NCALD: variants seen among roughly 807,000 people sequenced by gnomAD.
NCALD encodes neurocalcin delta.
NCALD carries 10 observed loss-of-function variants against 18.6 expected under a neutral mutation model. The observed-to-expected ratio is 0.54, with a 90% CI of 0.33 to 0.91. The LOEUF is 0.91. Among genes scored for constraint, NCALD ranks in the 40% least tolerant of loss-of-function variants. NCALD has a pLI of 0.03. For missense variants in NCALD, 184 were observed against 247.6 expected (o/e 0.74, Z 1.72); for synonymous variants, 88 against 87.4 (o/e 1.01, Z -0.04).
chr8:101,827,297 T>C (rs770912498), intron 4 of NCALD, among the ~76,000 whole-genome samples: 1 of 152,208 alleles, frequency 6.6e-6, no homozygotes, highest in Non-Finnish European at 1.5e-5. Context: ...CCCACCCACA[T>C]AATCCAGGAT....
At chr8:101,981,412 G>A (rs957801570) in intron 2 of NCALD, among the ~76,000 whole-genome samples, 2 of 151,950 alleles carry the variant, frequency 1.3e-5, no homozygotes, top group African/African-American at 4.8e-5. Context: ...TTAGAGAAGG[G>A]GAAAAAAGAT....
chr8:102,047,476 G>C (rs1279539280), intron 1 of NCALD, among the ~76,000 whole-genome samples: 1 of 152,180 alleles, frequency 6.6e-6, no homozygotes, highest in East Asian at 1.9e-4. Flanking sequence ...AGCCATGTGT[G>C]GTATTGAGCC....
intron 1 of NCALD, among the ~76,000 whole-genome samples, chr8:101,762,172 C>T (rs1811140098): frequency 6.6e-6 from 1 of 152,126 alleles, no homozygotes; most frequent in South Asian, 2.1e-4. Flanking sequence ...CCTAAATAGA[C>T]CAGGAGCTTC....
intron 1 of NCALD, among the ~76,000 whole-genome samples, chr8:101,758,293 C>CA (rs975982191): frequency 1.5e-4 from 23 of 152,286 alleles, no homozygotes; most frequent in African/African-American, 5.5e-4. Context: ...CCCTTCTTAG[C>CA]AGGCCCCAGC....
intron 1 of NCALD, among the ~76,000 whole-genome samples, chr8:101,739,628 C>G (rs1037344440): frequency 6.7e-6 from 1 of 149,072 alleles, no homozygotes; most frequent in Non-Finnish European, 1.5e-5. Flanking sequence ...CATCTTTCTC[C>G]CCTGCTGGAT....
chr8:102,030,875 C>CAAAA (rs1371223103), intron 1 of NCALD, among the ~76,000 whole-genome samples: 1 of 129,408 alleles, frequency 7.7e-6, no homozygotes, highest in African/African-American at 3.0e-5. Context: ...GACTCCATCA[C>CAAAA]AAAAAATAAA....
intron 1 of NCALD, among the ~76,000 whole-genome samples, chr8:102,111,412 A>ATGTGTGTGTGTGTG (rs57126471): frequency 2.8e-4 from 41 of 147,740 alleles, no homozygotes; most frequent in East Asian, 1.2e-3. Flanking sequence ...GTCTAAAGAG[A>ATGTGTGTGTGTGTG]TGTGTGTGTG....
intron 1 of NCALD, among the ~76,000 whole-genome samples, chr8:102,058,070 A>T (rs970085484): frequency 5.3e-5 from 8 of 152,294 alleles, no homozygotes; most frequent in African/African-American, 1.9e-4. Context: ...ATGTTAGGAG[A>T]CTTAAAACAG....
chr8:101,766,504 T>C (rs1389047299), intron 1 of NCALD, among the ~76,000 whole-genome samples: 1 of 152,196 alleles, frequency 6.6e-6, no homozygotes, highest in African/African-American at 2.4e-5. Context: ...AAGTTGTGTG[T>C]GAAATTTTGT....
intron 4 of NCALD, among the ~76,000 whole-genome samples, chr8:101,801,324 T>C (rs896535489): frequency 2.0e-5 from 3 of 152,170 alleles, no homozygotes; most frequent in Non-Finnish European, 2.9e-5. Flanking sequence ...GAAATATAGA[T>C]TTAAATTACA....
At chr8:101,742,369 T>A (rs1360028881) in intron 1 of NCALD, among the ~76,000 whole-genome samples, 1 of 152,234 alleles carries the variant, frequency 6.6e-6, no homozygotes, top group Admixed American at 6.5e-5. Flanking sequence ...TCTCTTTCCA[T>A]TCATCATGAA....
At chr8:101,721,646 C>T (rs1488982353) in intron 1 of NCALD, among the ~76,000 whole-genome samples, 1 of 152,118 alleles carries the variant, frequency 6.6e-6, no homozygotes, top group African/African-American at 2.4e-5. Flanking sequence ...GCTACTCAAA[C>T]TGCTTGCATA....
intron 1 of NCALD, among the ~76,000 whole-genome samples, chr8:101,736,122 C>A (rs1195555085): frequency 6.6e-6 from 1 of 152,156 alleles, no homozygotes; most frequent in Non-Finnish European, 1.5e-5. Context: ...TCTGTATGTA[C>A]CCCCTAATGG....
chr8:102,123,934 G>A (rs1342641822), intron 1 of NCALD: 1 of 153,002 alleles, frequency 6.5e-6, no homozygotes, highest in African/African-American at 2.4e-5. Flanking sequence ...GCGCCTCTGC[G>A]CGGCCCTCTG....
chr8:102,104,783 T>C (rs954918531), intron 1 of NCALD, among the ~76,000 whole-genome samples: 2 of 152,140 alleles, frequency 1.3e-5, no homozygotes, highest in African/African-American at 2.4e-5. Flanking sequence ...CTTCAATGCA[T>C]GTGTGGGGAG....
intron 2 of NCALD, among the ~76,000 whole-genome samples, chr8:101,922,563 C>T (rs970715819): frequency 2.0e-5 from 3 of 152,126 alleles, no homozygotes; most frequent in Admixed American, 2.0e-4. Flanking sequence ...ATAATAGCTG[C>T]TTTCATTAAA....
chr8:101,695,866 GA>G (rs1814966043), intron 2 of NCALD, among the ~76,000 whole-genome samples: 2 of 152,058 alleles, frequency 1.3e-5, no homozygotes, highest in Admixed American at 1.3e-4. Flanking sequence ...ATTTATTCAG[GA>G]ATAACTGTCC....
chr8:101,705,580 T>C (rs1354761006), intron 2 of NCALD, among the ~76,000 whole-genome samples: 1 of 152,170 alleles, frequency 6.6e-6, no homozygotes, highest in Non-Finnish European at 1.5e-5. Flanking sequence ...GAGACCTCTG[T>C]GACTGCCTGG....
chr8:101,750,400 C>A (rs545214092), intron 1 of NCALD, among the ~76,000 whole-genome samples: 1 of 152,124 alleles, frequency 6.6e-6, no homozygotes, highest in Admixed American at 6.5e-5. Flanking sequence ...AGAGGCCCAC[C>A]CTGGTTGTCC....
Sources: gnomAD v4.1 joint callset for allele counts (sites outside exome capture counted in the v4.1 genomes callset) on GRCh38, gnomAD v4.1.1 for gene constraint, MANE v1.5 for transcripts, NCBI Gene and HGNC (gene_info 2026-07-23, HGNC 2026-07-21) for gene names.